Variants in THBS2 observed in about 807,000 individuals in gnomAD.
The protein encoded by THBS2 is thrombospondin-2.
Under a neutral mutation model 135.2 loss-of-function variants are expected in THBS2, and 47 were observed. The observed-to-expected ratio is 0.35, with a 90% CI of 0.28 to 0.44. The LOEUF is 0.44. Ranked by LOEUF, THBS2 falls within the 20% of genes least tolerant of loss-of-function variation. The probability of loss-of-function intolerance (pLI) is 1.00; values close to 1 mark genes in which losing one functional copy is unlikely to be tolerated. For synonymous variants in THBS2, 639 were observed against 633.8 expected, an observed-to-expected ratio of 1.01 and a Z score of -0.12; for missense variants, 1,288 against 1,603.1, an observed-to-expected ratio of 0.80 and a Z score of 3.36.
chr6:169,227,891 G>A (rs1779696205), intron 15 of THBS2, among the ~76,000 whole-genome samples: 1 of 152,098 alleles, frequency 6.6e-6, no homozygotes, highest in Non-Finnish European at 1.5e-5. Context: ...AGACCAGCCT[G>A]GCCAACATGG....
intron 17 of THBS2, among the ~76,000 whole-genome samples, chr6:169,224,824 C>A (rs1406978958): frequency 1.3e-5 from 2 of 152,220 alleles, no homozygotes; most frequent in African/African-American, 4.8e-5. Context: ...CCAATTCATC[C>A]TACGTTCGTA....
rs143110525 is a variant in THBS2, at chr6:169,218,040, AGATGGATGGATG to A, written c.3512-223_3512-212del. Among the ~76,000 whole-genome samples, 329 of 91,392 alleles carry A rather than the reference AGATGGATGGATG, an allele frequency of 3.6e-3. 10 individuals are homozygous for A. In the East Asian group the frequency reaches 0.054, roughly 15 times the overall value. 60.0% of individuals were successfully genotyped at this position (91,392 alleles called of 152,430 possible). A position where few individuals can be genotyped will look rare whatever the true frequency, so the allele number is the denominator to read the frequency against. On this transcript the variant is annotated intron_variant, in intron 21 of 21. Coordinates refer to ENST00000617924, the MANE Select transcript of THBS2 (RefSeq NM_003247.5). Reference sequence around the variant, plus strand: ...AGATGGGTCGGTGGGTGGGTGGATGAGATGGATGGATGGATGGATGGATGAAATGGATGGGTG... The same window carrying A: ...AGATGGGTCGGTGGGTGGGTGGATGAGATGGATGGATGAAATGGATGGGTG...
In THBS2 at chr6:169,242,617, GCTCCCACCTTCCCACCA is replaced by G. The variant is rs1562363034; in HGVS notation, c.695-676_695-660del. 7.9e-3 allele frequency among the ~76,000 whole-genome samples: 215 copies of G among 27,248 alleles called. 13 individuals carry two copies. Among genetic ancestry groups the G allele is most frequent in the East Asian group, 0.04 (30 of 758 alleles). 17.9% of individuals were successfully genotyped at this position (27,248 alleles called of 152,430 possible). ...CTTCCCACATTCCCACCTTCCCACC[GCTCCCACCTTCCCACCA>G]CTCCCACCTTCCCACCACTCCCACC... On this transcript the variant is annotated intron_variant, in intron 4 of 21. Transcript: ENST00000617924.
At position 169,226,210 on chromosome 6, in the gene THBS2, G is replaced by A. The variant is rs781192171; in HGVS notation, c.2508C>T (p.Asp836=). 7 of 1,614,008 alleles carry A rather than the reference G, an allele frequency of 4.3e-6. No individual in the cohort carries two copies. In the Admixed American group the frequency reaches 6.7e-5, roughly 15 times the overall value. The change falls in exon 16 of 22, where the codon GAC becomes GAT. Residue 836 remains aspartate (D), a synonymous_variant. Transcript: ENST00000617924. The part of the protein sequence containing the change: ...TDGDGVGDHC[D]NCPLVHNPDQ... The stretch of plus-strand genomic sequence containing the variant: ...CAGGGTTGTGCACCAGGGGGCAGTT[G>A]TCACAGTGATCCCCCACACCGTCAC...
intron 14 of THBS2, 24 bp from the exon 15 acceptor site, chr6:169,228,305 C>T: frequency 2.5e-6 from 4 of 1,613,250 alleles, no homozygotes; most frequent in Non-Finnish European, 3.4e-6. Context: ...AAAGGGAAGA[C>T]TTTAACGAAG....
At chr6:169,231,942 GC>G (rs1562357880) in intron 13 of THBS2, 37 bp downstream of exon 13, 1 of 1,604,322 alleles carries the variant, frequency 6.2e-7, no homozygotes, top group Non-Finnish European at 8.5e-7. Flanking sequence ...AGGGCTGACC[GC>G]CGTGGCCCCG....
Position 169,231,996 on chromosome 6 carries a change from G to A in THBS2, c.2135C>T (p.Thr712Ile). The A allele has an allele frequency of 6.2e-7, 1 of 1,613,906 alleles. No individual in the cohort carries two copies. Among genetic ancestry groups the A allele is most frequent in the Non-Finnish European group, 8.5e-7 (1 of 1,179,916 alleles). Reference sequence around the variant, plus strand: ...GCGCCTCACCTTGATGCAGTGGTAGGTGGCGTTGGTGGCGCAGACCAGATT... The same window carrying A: ...GCGCCTCACCTTGATGCAGTGGTAGATGGCGTTGGTGGCGCAGACCAGATT... The part of the protein sequence containing the change: ...NLNLVCATNA[T>I]YHCIKDNCPH... The change falls in exon 13 of 22, where the codon ACC becomes ATC. Residue 712 changes from threonine (T) to isoleucine (I), a missense_variant. By Grantham distance (89) the Thr-to-Ile change is moderately conservative. This residue lies in a region of THBS2 where 874 missense variants were observed against 1,156.1 expected (regional missense o/e 0.76). Coordinates refer to ENST00000617924, the MANE Select transcript of THBS2 (RefSeq NM_003247.5).
chr6:169,250,061 G>A (rs1780702482), intron 2 of THBS2, among the ~76,000 whole-genome samples: 1 of 151,854 alleles, frequency 6.6e-6, no homozygotes, highest in South Asian at 2.1e-4. Context: ...ACACTGAACA[G>A]AAAGTTTAGC....
At position 169,217,151 on chromosome 6, in the gene THBS2, C is replaced by G. The variant is rs1199289989; in HGVS notation, c.*671G>C. On this transcript the variant is annotated 3_prime_UTR_variant, in exon 22 of 22. Coordinates refer to ENST00000617924, the MANE Select transcript of THBS2 (RefSeq NM_003247.5). Reference sequence around the variant, plus strand: ...TTTGTTCTTTGATGAAACTGCATCTCTACTGCACATGAGGGCTTTCATTGT... The same window carrying G: ...TTTGTTCTTTGATGAAACTGCATCTGTACTGCACATGAGGGCTTTCATTGT... 3.9e-5 allele frequency: 6 copies of G among 152,284 alleles called. No homozygotes were observed. The highest frequency in any genetic ancestry group is 2.0e-4 in the Admixed American group (3 of 15,290). 9.4% of individuals were successfully genotyped at this position (152,284 alleles called of 1,614,324 possible).
intron 3 of THBS2, among the ~76,000 whole-genome samples, chr6:169,247,387 T>G (rs766028240): frequency 2.6e-5 from 4 of 151,868 alleles, no homozygotes; most frequent in African/African-American, 4.8e-5. Flanking sequence ...GTGATGGATG[T>G]ATGTGCATGC....
At chr6:169,219,812 CTA>C in intron 21 of THBS2, 1 of 522,502 alleles carries the variant, frequency 1.9e-6, no homozygotes, top group South Asian at 1.4e-5. Flanking sequence ...AGCGAGATAA[CTA>C]TAGAGAAACT....
rs200055895 is a variant in THBS2, at chr6:169,237,743, G to T, written c.1182C>A (p.Ser394=). Reference sequence around the variant, plus strand: ...GCTGGGTCCCAGAGCCACACGTCACGGAGCACTGGGTCCACTCTGCCCACG... The same window carrying T: ...GCTGGGTCCCAGAGCCACACGTCACTGAGCACTGGGTCCACTCTGCCCACG... ...WSPWAEWTQC[S]VTCGSGTQQR... The change falls in exon 8 of 22, where the codon TCC becomes TCA. Residue 394 remains serine, a synonymous_variant. Coordinates refer to ENST00000617924, the MANE Select transcript of THBS2 (RefSeq NM_003247.5). The T allele has an allele frequency of 6.2e-7, 1 of 1,612,320 alleles. No individual in the cohort carries two copies.
intron 20 of THBS2, among the ~76,000 whole-genome samples, 171 bp from the exon 21 acceptor site, chr6:169,220,508 CT>C (rs890171916): frequency 1.1e-4 from 17 of 152,334 alleles, no homozygotes; most frequent in African/African-American, 3.4e-4. Flanking sequence ...CCAGCCACCC[CT>C]GGTGCAGCAC....
chr6:169,240,349 G>T, intron 6 of THBS2, 103 bp downstream of exon 6: 1 of 1,463,608 alleles, frequency 6.8e-7, no homozygotes, highest in Admixed American at 2.1e-5. Flanking sequence ...AGCTGAACCG[G>T]TTTCACACAT....
chr6:169,249,762 G>A (rs902347512), intron 2 of THBS2, among the ~76,000 whole-genome samples: 1 of 152,180 alleles, frequency 6.6e-6, no homozygotes, highest in Non-Finnish European at 1.5e-5. Flanking sequence ...CAGGCGCGGT[G>A]GCTCACACCT....
chr6:169,237,539 C>G (rs1780141909), intron 8 of THBS2, 86 bp downstream of exon 8: 1 of 1,584,370 alleles, frequency 6.3e-7, no homozygotes, highest in Non-Finnish European at 8.6e-7. Context: ...GTGAGGGCAG[C>G]TCTGTCCCTT....
In THBS2 at chr6:169,237,685, T is replaced by C. The variant is rs1340174352; in HGVS notation, c.1240A>G (p.Thr414Ala). Residue 414 changes from threonine (T) to alanine (A), a missense_variant, in exon 8 of 22, where the codon ACC (threonine) becomes GCC (alanine). By Grantham distance (58) the Thr-to-Ala change is moderately conservative (BLOSUM62 0). Around this residue, in one of 2 missense-constraint regions of THBS2, gnomAD observed 874 missense variants for 1,156.1 expected, o/e 0.76. Coordinates refer to ENST00000617924, the MANE Select transcript of THBS2 (RefSeq NM_003247.5). ...RGRSCDVTSN[T>A]CLGPSIQTRA... is the part of the protein sequence containing the mutation. The stretch of plus-strand genomic sequence containing the variant: ...GTCTGGATGGAGGGCCCCAAGCAGG[T>C]GTTGCTGGTGACGTCACAGGACCGG... 2.0e-5 allele frequency: 33 copies of C among 1,612,758 alleles called. No individual in the cohort carries two copies. The highest frequency in any genetic ancestry group is 2.7e-5 in the Non-Finnish European group (32 of 1,179,948).
In THBS2 at chr6:169,223,350, A is replaced by T; in HGVS notation, c.2899T>A (p.Leu967Met). 1 of 1,614,212 alleles carries T rather than the reference A, an allele frequency of 6.2e-7. No individual in the cohort carries two copies. Among genetic ancestry groups the T allele is most frequent in the Non-Finnish European group, 8.5e-7 (1 of 1,180,048 alleles). The stretch of plus-strand genomic sequence containing the variant: ...ATTTGGGTGGTCCCTTTGGGATCCA[A>T]GGGGACCATCTGGAAGTTCCTGAAG... Reference protein sequence around the residue: ...TDFRNFQMVPLDPKGTTQIDP... With the variant: ...TDFRNFQMVPMDPKGTTQIDP... Residue 967 changes from leucine to methionine, a missense_variant, in exon 18 of 22, where the codon TTG becomes ATG. Physicochemically the swap from Leu to Met is conservative, Grantham distance 15. Around this residue, in one of 2 missense-constraint regions of THBS2, gnomAD observed 874 missense variants for 1,156.1 expected, o/e 0.76. Transcript: ENST00000617924.
Position 169,234,782 on chromosome 6 carries a change from C to T in THBS2, c.1603G>A (p.Gly535Arg), listed in dbSNP as rs1485386556. 5 of 1,608,812 alleles carry T rather than the reference C, an allele frequency of 3.1e-6. 1 individual carries two copies. In the East Asian group the frequency reaches 1.1e-4, roughly 36 times the overall value. Reference protein sequence around the residue: ...EPQYGGKACVGDVQERQMCNK... With the variant: ...EPQYGGKACVRDVQERQMCNK... ...CACATCTGACGCTCCTGCACATCCCCCACGCAGGCCTTCCCTCCGTACTGA... is the reference window on the plus strand; with the variant it reads ...CACATCTGACGCTCCTGCACATCCCTCACGCAGGCCTTCCCTCCGTACTGA... The change falls in exon 10 of 22, where the codon GGG becomes AGG. Residue 535 changes from glycine (G) to arginine (R), a missense_variant. Coordinates refer to ENST00000617924, the MANE Select transcript of THBS2 (RefSeq NM_003247.5).
Sources: gnomAD v4.1 joint callset for allele counts (sites outside exome capture counted in the v4.1 genomes callset) on GRCh38, gnomAD v4.1.1 for gene constraint, gnomAD v4.1.1 regional missense constraint, MANE v1.5 for transcripts, NCBI Gene and HGNC (gene_info 2026-07-23, HGNC 2026-07-21) for gene names.